WDR49: variants seen among roughly 807,000 people sequenced by gnomAD.
WDR49 encodes the protein WD repeat domain 49, also known as cilia- and flagella-associated protein 337.
Under a neutral mutation model 119.5 loss-of-function variants are expected in WDR49, and 107 were observed. The observed-to-expected ratio is 0.90, with a 90% CI of 0.77 to 1.05. WDR49 has a LOEUF of 1.05. WDR49 is among the 50% of genes least tolerant of loss of function. The pLI, the probability that WDR49 is intolerant of heterozygous loss-of-function variation, is 0.00. For synonymous variants in WDR49, 425 were observed against 418.8 expected (o/e 1.01, Z -0.18); for missense variants, 1,240 against 1,220.5 (o/e 1.02, Z -0.24).
chr3:167,587,955 C>A (rs937216309), intron 7 of WDR49, among the ~76,000 whole-genome samples: 1 of 152,026 alleles, frequency 6.6e-6, no homozygotes, highest in African/African-American at 2.4e-5. Flanking sequence ...TACAAGCAAT[C>A]CAATTATATT....
chr3:167,517,542 T>C (rs1410026406), intron 16 of WDR49, among the ~76,000 whole-genome samples: 1 of 152,032 alleles, frequency 6.6e-6, no homozygotes, highest in Non-Finnish European at 1.5e-5. Flanking sequence ...AAAGACTTAA[T>C]TGTAAAACCC....
At chr3:167,571,616 T>C (rs967014698) in intron 8 of WDR49, among the ~76,000 whole-genome samples, 1 of 152,162 alleles carries the variant, frequency 6.6e-6, no homozygotes, top group Non-Finnish European at 1.5e-5. Flanking sequence ...TAGTTCTACA[T>C]TTAGCCTCAA....
At chr3:167,587,518 C>T (rs1260741382) in intron 7 of WDR49, among the ~76,000 whole-genome samples, 2 of 152,114 alleles carry the variant, frequency 1.3e-5, no homozygotes, top group Non-Finnish European at 2.9e-5. Flanking sequence ...CAGGGTCCCT[C>T]TCTGTCACCC....
At chr3:167,628,764 C>T (rs1717240101) in intron 2 of WDR49, among the ~76,000 whole-genome samples, 3 of 152,122 alleles carry the variant, frequency 2.0e-5, no homozygotes, top group Admixed American at 2.0e-4. Flanking sequence ...CTAAACAATA[C>T]GTTTTCAATG....
chr3:167,491,411 G>A (rs6766906), intron 18 of WDR49, among the ~76,000 whole-genome samples: 27,160 of 151,868 alleles, frequency 0.18, 3,626 homozygotes, highest in African/African-American at 0.38. Flanking sequence ...ATATATTCCA[G>A]GACCCTCTCT....
chr3:167,514,537 C>G lies in WDR49; in HGVS notation c.2774+7778G>C, dbSNP rs1296628950. ...TCAAATCAACATCCTAACATCACAA[C>G]TAATGAACTAGAGAACCAAGAGCAA... On this transcript the variant is annotated intron_variant, in intron 16 of 18. Coordinates refer to ENST00000682715, the MANE Select transcript of WDR49 (RefSeq NM_001366157.1). Among the ~76,000 whole-genome samples, 3 of 151,608 alleles carry G rather than the reference C, an allele frequency of 2.0e-5. No homozygotes were observed. In the East Asian group the frequency reaches 5.9e-4, roughly 30 times the overall value.
intron 11 of WDR49, 33 bp downstream of exon 11, chr3:167,536,837 C>A: frequency 6.9e-7 from 1 of 1,443,496 alleles, no homozygotes; most frequent in Non-Finnish European, 9.1e-7. Flanking sequence ...AATCAAACTT[C>A]ACCAATGATT....
In WDR49 at chr3:167,505,412, T is replaced by C. The variant is rs2108214158; in HGVS notation, c.2779A>G (p.Arg927Gly). The change falls in exon 17 of 19, where the codon AGA becomes GGA. Residue 927 changes from arginine (R) to glycine (G), a missense_variant. Transcript: ENST00000682715. ...KNKDDSTYNV[R>G]PSEDINLDIK... ...TCTAAATTTATATCTTCTGATGGTC[T>C]GACACTGGAAGAAAATATTTCATGA... 2 of 1,513,516 alleles carry C rather than the reference T, an allele frequency of 1.3e-6. No homozygotes were observed. Among genetic ancestry groups the C allele is most frequent in the Non-Finnish European group, 8.8e-7 (1 of 1,140,304 alleles). The allele number at this position is 1,513,516 out of a possible 1,614,324, so 93.8% of individuals were successfully genotyped here. A position where few individuals can be genotyped will look rare whatever the true frequency, so the allele number is the denominator to read the frequency against.
At position 167,625,213 on chromosome 3, in the gene WDR49, A is replaced by T. The variant is rs546284402; in HGVS notation, c.606+1639T>A. 2.6e-5 allele frequency among the ~76,000 whole-genome samples: 4 copies of T among 152,152 alleles called. No homozygotes were observed. In the South Asian group the frequency reaches 8.3e-4, roughly 32 times the overall value. Reference sequence around the variant, plus strand: ...TAGGAAATATACAAGATGATTCTGGAACATTTTGTCATACCACGAAACAAA... The same window carrying T: ...TAGGAAATATACAAGATGATTCTGGTACATTTTGTCATACCACGAAACAAA... On this transcript the variant is annotated intron_variant, in intron 3 of 18. Transcript: ENST00000682715.
chr3:167,633,765 A>G (rs1291556681), intron 2 of WDR49, among the ~76,000 whole-genome samples: 2 of 151,996 alleles, frequency 1.3e-5, no homozygotes, highest in African/African-American at 4.8e-5. Flanking sequence ...TCTGGGTTTT[A>G]TGCCTGGGTT....
intron 7 of WDR49, among the ~76,000 whole-genome samples, chr3:167,585,433 T>TGTGTGC (rs1027042891): frequency 1.4e-5 from 2 of 145,312 alleles, no homozygotes; most frequent in African/African-American, 5.3e-5. Flanking sequence ...TGTGTGTGTG[T>TGTGTGC]CATGGCTAAC....
rs573631818 is a variant in WDR49 at position 167,522,557 on chromosome 3, T to C, written c.2605-73A>G. 4.8e-6 allele frequency: 7 copies of C among 1,462,750 alleles called. No individual in the cohort carries two copies. In the East Asian group the frequency reaches 1.2e-4, roughly 25 times the overall value. The allele number at this position is 1,462,750 out of a possible 1,614,324, so 90.6% of individuals were successfully genotyped here. ...TTCAAACATTTACGTGTGTTTACCA[T>C]GTGCTGGATTACTAATTAAAGTCCT... is the stretch of plus-strand genomic sequence containing the variant. On this transcript the variant is annotated intron_variant, in intron 15 of 18. Transcript: ENST00000682715.
At chr3:167,610,777 T>G (rs375128444) in intron 5 of WDR49, among the ~76,000 whole-genome samples, 1 of 152,210 alleles carries the variant, frequency 6.6e-6, no homozygotes, top group Admixed American at 6.5e-5. Context: ...AGCACAGTCA[T>G]AGTAGTAGTG....
chr3:167,508,598 C>G lies in WDR49; in HGVS notation c.2775-3182G>C, dbSNP rs1287187013. 3.3e-5 allele frequency among the ~76,000 whole-genome samples: 5 copies of G among 152,206 alleles called. No individual in the cohort carries two copies. The East Asian group carries it at 5.8e-4, about 18-fold the overall frequency. On this transcript the variant is annotated intron_variant, in intron 16 of 18. Coordinates refer to ENST00000682715, the MANE Select transcript of WDR49 (RefSeq NM_001366157.1). ...CTCAAAGCAGGGAGTTCTAACACCCCCCTACAGCAAGCTCCAATATTCTTC... is the reference window on the plus strand; with the variant it reads ...CTCAAAGCAGGGAGTTCTAACACCCGCCTACAGCAAGCTCCAATATTCTTC...
chr3:167,635,856 T>C (rs1375380530), intron 2 of WDR49, among the ~76,000 whole-genome samples: 1 of 151,774 alleles, frequency 6.6e-6, no homozygotes, highest in African/African-American at 2.4e-5. Context: ...ATGTATACCA[T>C]ATAAAACAGC....
chr3:167,564,523 C>G (rs1054567588), intron 8 of WDR49, among the ~76,000 whole-genome samples: 2 of 152,290 alleles, frequency 1.3e-5, no homozygotes, highest in East Asian at 3.9e-4. Flanking sequence ...CATGTCTATG[C>G]CACCTTTTAA....
At chr3:167,554,582 T>A in intron 10 of WDR49, 68 bp downstream of exon 10, 1 of 1,052,260 alleles carries the variant, frequency 9.5e-7, no homozygotes. Context: ...TGACACAGAG[T>A]CAACCAAGAT....
intron 18 of WDR49, among the ~76,000 whole-genome samples, chr3:167,491,765 G>T (rs1751140928): frequency 6.6e-6 from 1 of 152,104 alleles, no homozygotes; most frequent in South Asian, 2.1e-4. Flanking sequence ...CCAGGATTTT[G>T]AATAAGGCAT....
chr3:167,612,159 T>C (rs1430007028), intron 5 of WDR49, among the ~76,000 whole-genome samples: 2 of 152,100 alleles, frequency 1.3e-5, no homozygotes, highest in African/African-American at 4.8e-5. Context: ...TGAATAAAAC[T>C]AGAAACTACT....
Sources: gnomAD v4.1 joint callset for allele counts (sites outside exome capture counted in the v4.1 genomes callset) on GRCh38, gnomAD v4.1.1 for gene constraint, MANE v1.5 for transcripts, NCBI Gene and HGNC (gene_info 2026-07-23, HGNC 2026-07-21) for gene names.